NHSL1: variants seen among roughly 807,000 people sequenced by gnomAD.
NHSL1 encodes the protein NHS like 1, also known as NHS-like protein 1.
A neutral mutation model predicts 95.0 loss-of-function variants in NHSL1; 48 were observed. That is an observed-to-expected ratio of 0.51 (90% CI 0.40 to 0.64). The LOEUF (loss-of-function observed/expected upper bound fraction) is 0.64, where lower values mean the gene tolerates loss of function less well. Ranked by LOEUF, NHSL1 falls within the 30% of genes least tolerant of loss-of-function variation. NHSL1 has a pLI of 0.00. For synonymous variants in NHSL1, 783 were observed against 833.9 expected (o/e 0.94, Z 1.05); for missense variants, 1,971 against 2,077.7 (o/e 0.95, Z 1.00).
At chr6:138,642,775 G>C (rs1784973853) in intron 1 of NHSL1, among the ~76,000 whole-genome samples, 1 of 152,136 alleles carries the variant, frequency 6.6e-6, no homozygotes. Flanking sequence ...TTAGTAGGGA[G>C]AGCCAAAAGA....
chr6:138,683,181 AACAGCCCTCC>A (rs1197247185), intron 1 of NHSL1, among the ~76,000 whole-genome samples: 1 of 152,172 alleles, frequency 6.6e-6, no homozygotes, highest in Non-Finnish European at 1.5e-5. Context: ...GACAGAAAGC[AACAGCCCTCC>A]ACACACTGCT....
In NHSL1 at chr6:138,442,033, T is replaced by C. The variant is rs758111950; in HGVS notation, c.614A>G (p.Lys205Arg). The C allele has an allele frequency of 5.2e-6, 8 of 1,551,376 alleles. No individual in the cohort carries two copies. Among genetic ancestry groups the C allele is most frequent in the Non-Finnish European group, 2.6e-6 (3 of 1,146,878 alleles). ...DTLVRRPKKV[K>R]RRKTITGVPD... ...GACTCCTGTAATAGTCTTTCTCCTT[T>C]TGACTTTCTTCGGTCGTCTTACCAG... Residue 205 changes from lysine (K) to arginine (R), a missense_variant, in exon 5 of 8, where the codon AAA becomes AGA. Lys to Arg is a conservative substitution (Grantham distance 26, BLOSUM62 2). This residue lies in a region of NHSL1 where 1,602 missense variants were observed against 1,654.5 expected (regional missense o/e 0.97). Transcript: ENST00000343505.
chr6:138,455,277 T>C (rs10499201), intron 3 of NHSL1, among the ~76,000 whole-genome samples: 20,330 of 152,150 alleles, frequency 0.13, 1,379 homozygotes, highest in Middle Eastern at 0.17. Flanking sequence ...ATGGGATCCA[T>C]ATACTGAGAC....
At chr6:138,581,549 G>T (rs557217366) in intron 1 of NHSL1, among the ~76,000 whole-genome samples, 3 of 151,770 alleles carry the variant, frequency 2.0e-5, no homozygotes, top group Admixed American at 6.6e-5. Context: ...AAAATTAGCC[G>T]GGCATGGTCG....
chr6:138,624,523 G>A (rs186448086), intron 1 of NHSL1, among the ~76,000 whole-genome samples: 1 of 152,178 alleles, frequency 6.6e-6, no homozygotes, highest in African/African-American at 2.4e-5. Flanking sequence ...ATAAAAAAAA[G>A]GAAGAATGAA....
At chr6:138,639,194 C>T (rs1406376137) in intron 1 of NHSL1, among the ~76,000 whole-genome samples, 1 of 152,170 alleles carries the variant, frequency 6.6e-6, no homozygotes, top group Non-Finnish European at 1.5e-5. Context: ...TCTCTATCTA[C>T]TCCTGGGAGC....
intron 4 of NHSL1, among the ~76,000 whole-genome samples, chr6:138,446,283 C>T (rs1371521992): frequency 1.3e-5 from 2 of 151,944 alleles, no homozygotes; most frequent in Non-Finnish European, 2.9e-5. Context: ...GTGATCTGCC[C>T]GCCTCAGCCT....
chr6:138,425,218 A>G (rs1775183529), intron 7 of NHSL1, among the ~76,000 whole-genome samples: 2 of 152,116 alleles, frequency 1.3e-5, no homozygotes, highest in Admixed American at 6.5e-5. Context: ...CAGCCTCCCA[A>G]GTAGCTGGGA....
At chr6:138,615,933 T>C (rs1784573154) in intron 1 of NHSL1, among the ~76,000 whole-genome samples, 1 of 152,370 alleles carries the variant, frequency 6.6e-6, no homozygotes, top group African/African-American at 2.4e-5. Flanking sequence ...CTTATGTCTG[T>C]AGTCCCAGCA....
At chr6:138,619,947 C>CAAAAAAAAAA (rs11376703) in intron 1 of NHSL1, among the ~76,000 whole-genome samples, 2 of 102,198 alleles carry the variant, frequency 2.0e-5, no homozygotes, top group African/African-American at 7.3e-5. Context: ...AACTCTATCA[C>CAAAAAAAAAA]AAAAAAAAAA....
chr6:138,606,029 T>G (rs1784428851), intron 1 of NHSL1, among the ~76,000 whole-genome samples: 1 of 152,214 alleles, frequency 6.6e-6, no homozygotes, highest in Admixed American at 6.5e-5. Context: ...AAATATGGAT[T>G]TTGTGAGCTC....
chr6:138,588,136 G>A (rs1420661938), intron 1 of NHSL1, among the ~76,000 whole-genome samples: 1 of 152,230 alleles, frequency 6.6e-6, no homozygotes, highest in African/African-American at 2.4e-5. Flanking sequence ...CAGCAAAGTT[G>A]GGACCCAGAA....
intron 1 of NHSL1, among the ~76,000 whole-genome samples, chr6:138,621,473 T>C (rs1461835543): frequency 1.7e-5 from 1 of 57,816 alleles, no homozygotes; most frequent in East Asian, 3.1e-4. Flanking sequence ...GTATCATTGA[T>C]TTTTTTTTTT....
chr6:138,554,815 C>A (rs1439831435), intron 1 of NHSL1, among the ~76,000 whole-genome samples: 4 of 152,150 alleles, frequency 2.6e-5, no homozygotes, highest in Non-Finnish European at 5.9e-5. Context: ...CAACTTTTGT[C>A]CCCCTTTAAC....
At chr6:138,531,394 T>C (rs1023607994) in intron 1 of NHSL1, among the ~76,000 whole-genome samples, 1 of 152,220 alleles carries the variant, frequency 6.6e-6, no homozygotes, top group African/African-American at 2.4e-5. Context: ...CAAGGCATGG[T>C]ATTCCAGGTA....
chr6:138,514,446 G>A (rs1781375288), intron 1 of NHSL1, among the ~76,000 whole-genome samples: 1 of 152,074 alleles, frequency 6.6e-6, no homozygotes, highest in Non-Finnish European at 1.5e-5. Flanking sequence ...AACCACAGAT[G>A]GTACCAAACC....
In NHSL1 at chr6:138,499,299, C is replaced by A; in HGVS notation, c.-9G>T. The stretch of plus-strand genomic sequence containing the variant: ...TTAATGAAGACCACCATTTCCAGGG[C>A]ACCTACATAGAGCTTAGAAATGTAA... On this transcript the variant is annotated 5_prime_UTR_variant, in exon 1 of 8. Transcript: ENST00000343505. The A allele has an allele frequency of 6.4e-7, 1 of 1,550,636 alleles. No homozygotes were observed. Among genetic ancestry groups the A allele is most frequent in the Non-Finnish European group, 8.7e-7 (1 of 1,146,254 alleles).
At chr6:138,595,372 G>C (rs1020195594) in intron 1 of NHSL1, among the ~76,000 whole-genome samples, 1 of 152,090 alleles carries the variant, frequency 6.6e-6, no homozygotes, top group Non-Finnish European at 1.5e-5. Context: ...TCAGGAGTGT[G>C]AGACCAGCCT....
chr6:138,606,702 C>CTTTTTTTTTTTTTTTTTTTTTTT (rs777156294), intron 1 of NHSL1, among the ~76,000 whole-genome samples: 1 of 123,414 alleles, frequency 8.1e-6, no homozygotes, highest in Non-Finnish European at 1.7e-5. Flanking sequence ...TTCTTTCTTT[C>CTTTTTTTTTTTTTTTTTTTTTTT]TTTTTTTTTT....
Sources: gnomAD v4.1 joint callset for allele counts (sites outside exome capture counted in the v4.1 genomes callset) on GRCh38, gnomAD v4.1.1 for gene constraint, gnomAD v4.1.1 regional missense constraint, MANE v1.5 for transcripts, NCBI Gene and HGNC (gene_info 2026-07-23, HGNC 2026-07-21) for gene names.